Variants in PPID observed in about 807,000 individuals in gnomAD.
PPID encodes peptidylprolyl isomerase D.
A neutral mutation model predicts 48.1 loss-of-function variants in PPID; 47 were observed. The ratio of observed to expected loss-of-function variants is 0.98; its 90% CI spans 0.77 to 1.25. The LOEUF (loss-of-function observed/expected upper bound fraction) is 1.25, where lower values mean the gene tolerates loss of function less well. Among genes scored for constraint, PPID ranks in the 50% most tolerant of loss-of-function variants. The pLI is 0.00. For missense variants in PPID, 429 were observed against 443.5 expected, an observed-to-expected ratio of 0.97 and a Z score of 0.29; for synonymous variants, 163 against 148.8, an observed-to-expected ratio of 1.10 and a Z score of -0.69.
intron 2 of PPID, 49 bp from the exon 3 acceptor site, chr4:158,719,335 A>G (rs1317783425): frequency 1.7e-6 from 2 of 1,207,110 alleles, no homozygotes; most frequent in Non-Finnish European, 2.4e-6. Flanking sequence ...GGATGCCTTT[A>G]GCAATGCTTA....
At chr4:158,713,684 A>G (rs1167833970) in intron 6 of PPID, among the ~76,000 whole-genome samples, 1 of 152,150 alleles carries the variant, frequency 6.6e-6, no homozygotes, top group Non-Finnish European at 1.5e-5. Flanking sequence ...GGCCCCCAGA[A>G]TTTGGTTTCT....
At chr4:158,715,519 CT>C in intron 5 of PPID, 42 bp downstream of exon 5, 1 of 1,598,520 alleles carries the variant, frequency 6.3e-7, no homozygotes, top group Non-Finnish European at 8.6e-7. Context: ...AATATTTTCA[CT>C]TACTAAATTA....
chr4:158,712,328 G>C (rs1774801768), intron 7 of PPID, among the ~76,000 whole-genome samples: 1 of 152,158 alleles, frequency 6.6e-6, no homozygotes, highest in Non-Finnish European at 1.5e-5. Context: ...AACCTAAATT[G>C]AAACTGACCC....
chr4:158,719,326 G>T, intron 2 of PPID, 40 bp from the exon 3 acceptor site: 2 of 1,325,442 alleles, frequency 1.5e-6, no homozygotes, highest in Non-Finnish European at 2.2e-6. Context: ...CTGAGACATG[G>T]ATGCCTTTAG....
At chr4:158,714,561 G>C (rs1050418996) in intron 6 of PPID, among the ~76,000 whole-genome samples, 1 of 150,284 alleles carries the variant, frequency 6.7e-6, no homozygotes, top group Non-Finnish European at 1.5e-5. Context: ...CTAAGAAATT[G>C]AAACAACTGG....
At position 158,715,652 on chromosome 4, in the gene PPID, C is replaced by T. The variant is rs1248760341; in HGVS notation, c.555G>A (p.Lys185=). 4 of 1,610,342 alleles carry T rather than the reference C, an allele frequency of 2.5e-6. No homozygotes were observed. The highest frequency in any genetic ancestry group is 3.4e-6 in the Non-Finnish European group (4 of 1,176,530). Residue 185 remains lysine (K), a synonymous_variant, in exon 5 of 10, where the codon AAG becomes AAA. Coordinates refer to ENST00000307720, the MANE Select transcript of PPID (RefSeq NM_005038.3). ...GGAATATTCCCCCGTCATCTCCTTC[C>T]TTCAATTCTCCACATTCTGCAATAA... ...LCVIAECGEL[K]EGDDGGIFPK...
chr4:158,709,939 T>C lies in PPID; in HGVS notation c.1025-115A>G, dbSNP rs376898638. 9.9e-6 allele frequency: 7 copies of C among 708,626 alleles called. No individual in the cohort carries two copies. In the African/African-American group the frequency reaches 1.1e-4, roughly 11 times the overall value. 43.9% of individuals were successfully genotyped at this position (708,626 alleles called of 1,614,324 possible). A position where few individuals can be genotyped will look rare whatever the true frequency, so the allele number is the denominator to read the frequency against. On this transcript the variant is annotated intron_variant, in intron 9 of 9. Transcript: ENST00000307720. Reference sequence around the variant, plus strand: ...TGAAAAAACTTCTCTACAAAGTAACTAAGCCCTAGTAACAGAAAATCTGAG... The same window carrying C: ...TGAAAAAACTTCTCTACAAAGTAACCAAGCCCTAGTAACAGAAAATCTGAG...
At chr4:158,711,600 T>C (rs575812946) in intron 7 of PPID, among the ~76,000 whole-genome samples, 1 of 152,210 alleles carries the variant, frequency 6.6e-6, no homozygotes, top group South Asian at 2.1e-4. Flanking sequence ...GAACAAACAT[T>C]TTAAAATTAT....
intron 7 of PPID, 42 bp downstream of exon 7, chr4:158,713,075 CTT>C: frequency 6.3e-7 from 1 of 1,597,734 alleles, no homozygotes; most frequent in Non-Finnish European, 8.6e-7. Context: ...CAAACTAAGT[CTT>C]AATCCAACTT....
intron 8 of PPID, 28 bp from the exon 9 acceptor site, chr4:158,710,698 AG>A: frequency 6.2e-7 from 1 of 1,612,106 alleles, no homozygotes; most frequent in Non-Finnish European, 8.5e-7. Context: ...CATTTAAGTT[AG>A]GTGTATGATT....
At chr4:158,713,788 T>C (rs1774827573) in intron 6 of PPID, among the ~76,000 whole-genome samples, 1 of 107,098 alleles carries the variant, frequency 9.3e-6, no homozygotes, top group African/African-American at 3.9e-5. Flanking sequence ...AGCAAGCAAG[T>C]GCTCGCAGAC....
At chr4:158,718,397 AT>A (rs1359628298) in intron 3 of PPID, among the ~76,000 whole-genome samples, 1 of 152,256 alleles carries the variant, frequency 6.6e-6, no homozygotes, top group Admixed American at 6.5e-5. Flanking sequence ...TATAGACAGT[AT>A]TAGCAATGTT....
At chr4:158,711,468 C>T (rs1774790282) in intron 7 of PPID, among the ~76,000 whole-genome samples, 1 of 152,120 alleles carries the variant, frequency 6.6e-6, no homozygotes, top group East Asian at 1.9e-4. Flanking sequence ...AAGCGATCTG[C>T]CCGCCGCCGT....
chr4:158,709,881 G>T, intron 9 of PPID, 57 bp from the exon 10 acceptor site: 1 of 1,404,814 alleles, frequency 7.1e-7, no homozygotes, highest in Non-Finnish European at 1.0e-6. Flanking sequence ...AAATTATGGT[G>T]ACTAACAAAC....
chr4:158,709,894 T>C (rs1404135531), intron 9 of PPID, 70 bp from the exon 10 acceptor site: 2 of 1,309,504 alleles, frequency 1.5e-6, no homozygotes, highest in Non-Finnish European at 2.2e-6. Flanking sequence ...TAACAAACTA[T>C]TTTAATGTTA....
rs1223942096 is a variant in PPID, at chr4:158,709,647, C to T, written c.*89G>A. ...AGGAACTAAGGTGTCAAAAGAAACA[C>T]ATTAGGGATCATATTCATAGACAAA... On this transcript the variant is annotated 3_prime_UTR_variant, in exon 10 of 10. Coordinates refer to ENST00000307720, the MANE Select transcript of PPID (RefSeq NM_005038.3). 8 of 963,526 alleles carry T rather than the reference C, an allele frequency of 8.3e-6. No individual in the cohort carries two copies. The highest frequency in any genetic ancestry group is 4.4e-5 in the Admixed American group (2 of 45,092). The allele number at this position is 963,526 out of a possible 1,614,324, so 59.7% of individuals were successfully genotyped here.
intron 9 of PPID, 135 bp from the exon 10 acceptor site, chr4:158,709,959 T>C (rs1774755768): frequency 4.7e-6 from 3 of 633,596 alleles, no homozygotes; most frequent in Admixed American, 6.3e-5. Context: ...TAACAGAAAA[T>C]CTGAGCAATC....
chr4:158,715,094 T>G (rs764110383), intron 6 of PPID, among the ~76,000 whole-genome samples: 4 of 152,166 alleles, frequency 2.6e-5, no homozygotes, highest in Non-Finnish European at 4.4e-5. Flanking sequence ...GTAAAACTTA[T>G]GAGTAATTAT....
intron 6 of PPID, among the ~76,000 whole-genome samples, chr4:158,714,879 T>C (rs932106652): frequency 2.0e-5 from 3 of 152,182 alleles, no homozygotes; most frequent in African/African-American, 7.2e-5. Flanking sequence ...CATGAGCCAC[T>C]ATGCCCAGCC....
Sources: gnomAD v4.1 joint callset for allele counts (sites outside exome capture counted in the v4.1 genomes callset) on GRCh38, gnomAD v4.1.1 for gene constraint, MANE v1.5 for transcripts, NCBI Gene and HGNC (gene_info 2026-07-23, HGNC 2026-07-21) for gene names.